Variants in ARHGEF38 observed in about 807,000 individuals in gnomAD.
ARHGEF38 encodes the protein Rho guanine nucleotide exchange factor (GEF) 38.
In ARHGEF38, 79 loss-of-function variants were observed where a neutral mutation model predicts 79.9. The observed-to-expected ratio is 0.99, with a 90% CI of 0.82 to 1.19. The LOEUF (loss-of-function observed/expected upper bound fraction) is 1.19. Ranked by LOEUF, ARHGEF38 falls within the 50% of genes most tolerant of loss-of-function variation. The pLI is 0.00. For synonymous variants in ARHGEF38, 366 were observed against 328.3 expected (o/e 1.11, Z -1.24); for missense variants, 962 against 907.2 (o/e 1.06, Z -0.78).
chr4:105,658,934 G>A (rs1015235436), intron 9 of ARHGEF38, 120 bp from the exon 10 acceptor site: 8 of 818,988 alleles, frequency 9.8e-6, no homozygotes, highest in East Asian at 5.4e-5. Flanking sequence ...ATCTGGGTAG[G>A]TGCTTTCCTG....
intron 2 of ARHGEF38, among the ~76,000 whole-genome samples, chr4:105,603,332 GTGGCTCCTCCT>G (rs1190744268): frequency 6.6e-6 from 1 of 152,152 alleles, no homozygotes; most frequent in Non-Finnish European, 1.5e-5. Context: ...CAGCTGGAAT[GTGGCTCCTCCT>G]TGACACCTGC....
chr4:105,569,623 C>T (rs1357254579), intron 1 of ARHGEF38, among the ~76,000 whole-genome samples: 2 of 152,158 alleles, frequency 1.3e-5, no homozygotes, highest in Non-Finnish European at 2.9e-5. Context: ...ATTCTCACAA[C>T]CTCCTAGCAG....
chr4:105,656,792 A>C (rs1332104430), intron 9 of ARHGEF38, among the ~76,000 whole-genome samples: 1 of 152,108 alleles, frequency 6.6e-6, no homozygotes, highest in Non-Finnish European at 1.5e-5. Flanking sequence ...ATCCCCTCAC[A>C]TCAAGACGTT....
intron 3 of ARHGEF38, among the ~76,000 whole-genome samples, chr4:105,623,770 CT>C (rs1728834068): frequency 6.6e-6 from 1 of 152,178 alleles, no homozygotes; most frequent in African/African-American, 2.4e-5. Context: ...ATATTAGTAA[CT>C]CTGGACACTC....
intron 4 of ARHGEF38, 178 bp downstream of exon 4, chr4:105,631,223 T>A (rs928513860): frequency 1.3e-5 from 16 of 1,255,276 alleles, no homozygotes; most frequent in Non-Finnish European, 1.6e-5. Flanking sequence ...ATTGACTTTT[T>A]TTCCCCCTGC....
intron 2 of ARHGEF38, among the ~76,000 whole-genome samples, chr4:105,596,309 A>C (rs1727577082): frequency 6.6e-6 from 1 of 152,120 alleles, no homozygotes; most frequent in South Asian, 2.1e-4. Flanking sequence ...GCTTTTTCAA[A>C]GGAGCAAGGG....
chr4:105,574,566 AAG>A (rs201719005), intron 1 of ARHGEF38, among the ~76,000 whole-genome samples: 15,521 of 121,864 alleles, frequency 0.13, 1,099 homozygotes, highest in Non-Finnish European at 0.15. Context: ...AAAAAAAAAA[AAG>A]AAGTGGCAAG....
At chr4:105,561,591 T>A (rs1221389138) in intron 1 of ARHGEF38, 1 of 152,024 alleles carries the variant, frequency 6.6e-6, no homozygotes. Flanking sequence ...ATCACTGAAG[T>A]CTCTGTTCGT....
chr4:105,600,834 T>C (rs1291963802), intron 2 of ARHGEF38, among the ~76,000 whole-genome samples: 1 of 152,184 alleles, frequency 6.6e-6, no homozygotes, highest in African/African-American at 2.4e-5. Flanking sequence ...CCTGGAGTCA[T>C]CCTTAACTTT....
At position 105,677,977 on chromosome 4, in the gene ARHGEF38, G is replaced by A. The variant is rs746957962; in HGVS notation, c.*40G>A. The A allele has an allele frequency of 9.3e-5, 135 of 1,451,116 alleles. No homozygotes were observed. The highest frequency in any genetic ancestry group is 2.5e-4 in the African/African-American group (18 of 70,890). The allele number at this position is 1,451,116 out of a possible 1,614,324, so 89.9% of individuals were successfully genotyped here. On this transcript the variant is annotated 3_prime_UTR_variant, in exon 14 of 14. Coordinates refer to ENST00000420470, the MANE Select transcript of ARHGEF38 (RefSeq NM_001242729.2). ...AACTTTTATTTTCCAGCAAGTTGTT[G>A]ATTGACTACCTCATAAAACTGACAT...
At chr4:105,622,469 A>T (rs1316546480) in intron 3 of ARHGEF38, among the ~76,000 whole-genome samples, 1 of 152,222 alleles carries the variant, frequency 6.6e-6, no homozygotes, top group African/African-American at 2.4e-5. Flanking sequence ...GAAGTGAAAC[A>T]GATCCAAGTC....
chr4:105,590,130 A>AAGGAAGGAAGGAAGGAAG (rs1560706186), intron 2 of ARHGEF38, among the ~76,000 whole-genome samples: 1 of 131,896 alleles, frequency 7.6e-6, no homozygotes, highest in African/African-American at 3.0e-5. Context: ...AAGGAAGGAA[A>AAGGAAGGAAGGAAGGAAG]GAAAGAAAAA....
At chr4:105,573,695 G>T (rs1230963809) in intron 1 of ARHGEF38, among the ~76,000 whole-genome samples, 1 of 150,978 alleles carries the variant, frequency 6.6e-6, no homozygotes, top group Non-Finnish European at 1.5e-5. Flanking sequence ...GATTATTTTG[G>T]CCTATTGTTG....
At chr4:105,641,032 T>C (rs1188475716) in intron 5 of ARHGEF38, among the ~76,000 whole-genome samples, 1 of 152,168 alleles carries the variant, frequency 6.6e-6, no homozygotes, top group Admixed American at 6.6e-5. Context: ...TCTTGAATTA[T>C]TTCGCTCACT....
At chr4:105,668,699 T>C (rs1415706857) in intron 13 of ARHGEF38, among the ~76,000 whole-genome samples, 1 of 148,554 alleles carries the variant, frequency 6.7e-6, no homozygotes, top group East Asian at 1.9e-4. Context: ...GATAGATAGA[T>C]AGATAGATGA....
chr4:105,638,409 G>A (rs553193359), intron 5 of ARHGEF38, among the ~76,000 whole-genome samples: 1 of 152,140 alleles, frequency 6.6e-6, no homozygotes, highest in African/African-American at 2.4e-5. Flanking sequence ...GAAATGCAGT[G>A]TTTTGTTATC....
chr4:105,664,330 C>A (rs756908793), intron 10 of ARHGEF38, among the ~76,000 whole-genome samples: 23 of 152,180 alleles, frequency 1.5e-4, no homozygotes, highest in Non-Finnish European at 2.4e-4. Context: ...ATTTCTCCCG[C>A]CTCAGTGGTA....
rs148685238 is a variant in ARHGEF38 at position 105,620,247 on chromosome 4, G to C, written c.508+6740G>C. Among the ~76,000 whole-genome samples, 848 of 152,290 alleles carry C rather than the reference G, an allele frequency of 5.6e-3. 10 individuals are homozygous for C. The highest frequency in any genetic ancestry group is 0.019 in the African/African-American group (795 of 41,564). ...TTGTTTCCACTTAGATGGCAGTGTA[G>C]AGTTTAAGAACACATGGGTTTTAAT... On this transcript the variant is annotated intron_variant, in intron 3 of 13. Coordinates refer to ENST00000420470, the MANE Select transcript of ARHGEF38 (RefSeq NM_001242729.2).
intron 8 of ARHGEF38, 27 bp from the exon 9 acceptor site, chr4:105,655,576 T>G: frequency 6.5e-7 from 1 of 1,532,828 alleles, no homozygotes; most frequent in Non-Finnish European, 8.7e-7. Context: ...AACTTGCCTT[T>G]TTTGTAACTT....
Sources: gnomAD v4.1 joint callset for allele counts (sites outside exome capture counted in the v4.1 genomes callset) on GRCh38, gnomAD v4.1.1 for gene constraint, MANE v1.5 for transcripts, NCBI Gene and HGNC (gene_info 2026-07-23, HGNC 2026-07-21) for gene names.